Variants in ZNF732 observed in about 807,000 individuals in gnomAD.
The protein encoded by ZNF732 is zinc finger protein 732.
ZNF732 carries 12 observed loss-of-function variants against 11.5 expected under a neutral mutation model. That is an observed-to-expected ratio of 1.05 (90% CI 0.67 to 1.70). ZNF732 has a LOEUF of 1.70. Among genes scored for constraint, ZNF732 ranks in the 40% most tolerant of loss-of-function variants. The pLI is 0.00. For synonymous variants in ZNF732, 231 were observed against 236.5 expected, an observed-to-expected ratio of 0.98 and a Z score of 0.21; for missense variants, 702 against 676.9, an observed-to-expected ratio of 1.04 and a Z score of -0.41.
intron 3 of ZNF732, among the ~76,000 whole-genome samples, chr4:291,683 A>T (rs1719845023): frequency 6.6e-6 from 1 of 152,216 alleles, no homozygotes; most frequent in African/African-American, 2.4e-5. Flanking sequence ...CCCTATCAAA[A>T]TTTTAGTGGC....
intron 3 of ZNF732, among the ~76,000 whole-genome samples, chr4:295,194 G>A (rs905220312): frequency 3.9e-5 from 6 of 152,130 alleles, no homozygotes; most frequent in Non-Finnish European, 7.3e-5. Flanking sequence ...CCTAATAAAC[G>A]ATAAAGTGGA....
intron 3 of ZNF732, among the ~76,000 whole-genome samples, chr4:288,511 T>C (rs1376844523): frequency 6.6e-6 from 1 of 152,224 alleles, no homozygotes; most frequent in African/African-American, 2.4e-5. Context: ...CTTTTTCTTA[T>C]TGTATGGTTA....
At chr4:282,405 T>A (rs1021583458) in intron 3 of ZNF732, among the ~76,000 whole-genome samples, 3 of 152,208 alleles carry the variant, frequency 2.0e-5, no homozygotes, top group South Asian at 4.2e-4. Context: ...ATTCTTTTTT[T>A]AAAAAGAAGC....
intron 3 of ZNF732, among the ~76,000 whole-genome samples, chr4:291,840 A>G (rs1302533573): frequency 6.6e-6 from 1 of 152,226 alleles, no homozygotes; most frequent in Non-Finnish European, 1.5e-5. Flanking sequence ...ATAGTAAGCA[A>G]AAGAGTATGG....
intron 3 of ZNF732, among the ~76,000 whole-genome samples, chr4:292,083 T>C (rs932564248): frequency 2.0e-5 from 3 of 152,114 alleles, no homozygotes; most frequent in Non-Finnish European, 2.9e-5. Flanking sequence ...AACACTTCAA[T>C]ATAAGATAAA....
At chr4:300,968 T>C (rs1400647574) in intron 1 of ZNF732, among the ~76,000 whole-genome samples, 2 of 152,012 alleles carry the variant, frequency 1.3e-5, no homozygotes, top group East Asian at 1.9e-4. Flanking sequence ...TGCAATCTAC[T>C]CATCTGACAA....
intron 3 of ZNF732, among the ~76,000 whole-genome samples, chr4:274,653 A>G (rs1178048725): frequency 6.6e-6 from 1 of 151,710 alleles, no homozygotes; most frequent in African/African-American, 2.4e-5. Context: ...AATGATTTAA[A>G]AAGACTGAAA....
chr4:288,005 G>A (rs1212236495), intron 3 of ZNF732, among the ~76,000 whole-genome samples: 1 of 151,036 alleles, frequency 6.6e-6, no homozygotes, highest in Non-Finnish European at 1.5e-5. Context: ...ACCTTATTGT[G>A]GTTTTGCCTT....
Position 305,403 on chromosome 4 carries a change from C to T in ZNF732, c.-93G>A. On this transcript the variant is annotated 5_prime_UTR_variant, in exon 1 of 4. Transcript: ENST00000419098. Reference sequence around the variant, plus strand: ...ACGGAGGCTGAGGCTGTGACCGAATCACCGACGCCTCCCTGAGGGGTGAAA... The same window carrying T: ...ACGGAGGCTGAGGCTGTGACCGAATTACCGACGCCTCCCTGAGGGGTGAAA... The T allele has an allele frequency of 6.4e-7, 1 of 1,567,730 alleles. No homozygotes were observed. The highest frequency in any genetic ancestry group is 1.1e-5 in the South Asian group (1 of 89,916).
At chr4:304,964 C>T (rs1043378226) in intron 1 of ZNF732, among the ~76,000 whole-genome samples, 1 of 152,206 alleles carries the variant, frequency 6.6e-6, no homozygotes, top group Non-Finnish European at 1.5e-5. Flanking sequence ...CGATCTTATT[C>T]CGAACAGGGT....
At chr4:288,733 T>C (rs1488078757) in intron 3 of ZNF732, among the ~76,000 whole-genome samples, 1 of 152,254 alleles carries the variant, frequency 6.6e-6, no homozygotes, top group African/African-American at 2.4e-5. Flanking sequence ...AAATTCTATG[T>C]AAATGTAAGA....
At chr4:282,342 T>C (rs998018403) in intron 3 of ZNF732, among the ~76,000 whole-genome samples, 4 of 152,134 alleles carry the variant, frequency 2.6e-5, no homozygotes, top group African/African-American at 9.7e-5. Flanking sequence ...CAGGACCCTG[T>C]CTCTAAAATA....
At chr4:299,518 T>C (rs568345442) in intron 1 of ZNF732, among the ~76,000 whole-genome samples, 14 of 122,610 alleles carry the variant, frequency 1.1e-4, no homozygotes, top group Admixed American at 1.7e-4. Context: ...CATATACGTA[T>C]ATATGTGTAT....
intron 3 of ZNF732, among the ~76,000 whole-genome samples, chr4:286,023 T>C (rs894894628): frequency 6.6e-6 from 1 of 152,252 alleles, no homozygotes; most frequent in Non-Finnish European, 1.5e-5. Flanking sequence ...GTGGGATATG[T>C]GTCCACATTT....
intron 3 of ZNF732, among the ~76,000 whole-genome samples, chr4:275,843 A>G (rs782715074): frequency 1.3e-5 from 2 of 151,836 alleles, no homozygotes; most frequent in African/African-American, 2.4e-5. Context: ...CTTACACGAG[A>G]TATCTAAAGC....
rs555866310 is a variant in ZNF732 at position 272,576 on chromosome 4, G to T, written c.281C>A (p.Ser94Ter). 7 of 1,587,228 alleles carry T rather than the reference G, an allele frequency of 4.4e-6. No homozygotes were observed. The South Asian group carries it at 8.1e-5, about 18-fold the overall frequency. Residue 94 changes from serine (S) to a stop codon, truncating the protein, a stop_gained, in exon 4 of 4, where the codon TCG (serine) becomes TAG (stop). Transcript: ENST00000419098. LOFTEE classifies it low-confidence loss of function (END_TRUNC). ...TCTTCTTAATATAAGTTTGTGGAAC[G>T]AATCTTCTATCCCCTGCACTGGCAA... is the stretch of plus-strand genomic sequence containing the variant. ...DFLPVQGIED[S>*]FHKLILRRYE... is the part of the protein sequence containing the mutation.
intron 3 of ZNF732, among the ~76,000 whole-genome samples, chr4:293,415 T>C (rs1411299657): frequency 1.3e-5 from 2 of 151,554 alleles, no homozygotes; most frequent in African/African-American, 4.9e-5. Context: ...TGATGCTAAA[T>C]GAAATTAGCC....
chr4:293,067 CA>C (rs1227557602), intron 3 of ZNF732, among the ~76,000 whole-genome samples: 612 of 35,176 alleles, frequency 0.017, 1 homozygote, highest in African/African-American at 0.047. Context: ...GACTCCATCT[CA>C]AAAAAAAAAA....
At chr4:303,087 T>G (rs1720150323) in intron 1 of ZNF732, among the ~76,000 whole-genome samples, 1 of 152,220 alleles carries the variant, frequency 6.6e-6, no homozygotes, top group Admixed American at 6.5e-5. Flanking sequence ...GGAATTCGTC[T>G]GATTGATAAC....
Sources: allele counts gnomAD v4.1 joint callset (sites outside exome capture counted in the v4.1 genomes callset), GRCh38; gene constraint gnomAD v4.1.1; transcripts MANE v1.5; gene names NCBI Gene and HGNC (gene_info 2026-07-23, HGNC 2026-07-21).